PHACTR3: variants seen among roughly 807,000 people sequenced by gnomAD.
The protein encoded by PHACTR3 is protein phosphatase 1, regulatory subunit 123.
PHACTR3 carries 16 observed loss-of-function variants against 66.8 expected under a neutral mutation model. That is an observed-to-expected ratio of 0.24 (90% CI 0.16 to 0.36). The LOEUF (loss-of-function observed/expected upper bound fraction) is 0.36. Ranked by LOEUF, PHACTR3 falls within the 10% of genes least tolerant of loss-of-function variation. The pLI is 1.00. For missense variants in PHACTR3, 647 were observed against 719.9 expected (o/e 0.90, Z 1.16); for synonymous variants, 323 against 292.1 (o/e 1.11, Z -1.08).
chr20:59,716,932 T>A (rs1601173977), intron 1 of PHACTR3, among the ~76,000 whole-genome samples: 4 of 152,298 alleles, frequency 2.6e-5, no homozygotes, highest in Admixed American at 2.6e-4. Flanking sequence ...GCTGAATCTA[T>A]CATGCTCCCT....
intron 8 of PHACTR3, chr20:59,836,232 C>A: frequency 2.4e-6 from 1 of 416,786 alleles, no homozygotes; most frequent in Non-Finnish European, 4.2e-6. Flanking sequence ...AAGGTTTGGG[C>A]GACAGATCAG....
intron 1 of PHACTR3, among the ~76,000 whole-genome samples, chr20:59,656,753 G>A (rs969905392): frequency 1.3e-5 from 2 of 151,222 alleles, no homozygotes; most frequent in African/African-American, 4.9e-5. Context: ...CCTTAAATGA[G>A]TATTTTTAGT....
chr20:59,843,992 C>T (rs1035758685), intron 11 of PHACTR3: 1 of 151,862 alleles, frequency 6.6e-6, no homozygotes, highest in African/African-American at 2.4e-5. Flanking sequence ...CAAATAATCC[C>T]ATTAGAAAGT....
chr20:59,729,068 G>A (rs1303263197), intron 1 of PHACTR3, among the ~76,000 whole-genome samples: 1 of 152,140 alleles, frequency 6.6e-6, no homozygotes, highest in African/African-American at 2.4e-5. Context: ...TGAGGTTGGA[G>A]CTGCTCACAG....
chr20:59,747,236 G>A (rs2039404884), intron 2 of PHACTR3, among the ~76,000 whole-genome samples: 1 of 152,236 alleles, frequency 6.6e-6, no homozygotes, highest in African/African-American at 2.4e-5. Flanking sequence ...TGTCCATCTG[G>A]TAGACTGGAA....
At chr20:59,643,291 A>G (rs541843728) in intron 1 of PHACTR3, among the ~76,000 whole-genome samples, 2 of 152,338 alleles carry the variant, frequency 1.3e-5, no homozygotes, top group Admixed American at 1.3e-4. Flanking sequence ...CGCACATTAA[A>G]TGAGTGCTAT....
At chr20:59,840,301 C>A in intron 9 of PHACTR3, 68 bp from the exon 10 acceptor site, 2 of 1,567,858 alleles carry the variant, frequency 1.3e-6, no homozygotes, top group South Asian at 1.2e-5. Context: ...CACTTCCCTG[C>A]TGAAGAGAAG....
intron 1 of PHACTR3, among the ~76,000 whole-genome samples, chr20:59,650,142 A>C (rs113928966): frequency 2.0e-5 from 3 of 152,338 alleles, no homozygotes; most frequent in African/African-American, 7.2e-5. Context: ...GAAACACATG[A>C]AACAAAGAAA....
intron 1 of PHACTR3, among the ~76,000 whole-genome samples, chr20:59,673,406 G>C (rs1030163783): frequency 3.9e-5 from 6 of 152,222 alleles, no homozygotes; most frequent in African/African-American, 1.4e-4. Context: ...ATCTCTTCCT[G>C]ATGGCCGAGC....
intron 1 of PHACTR3, among the ~76,000 whole-genome samples, chr20:59,719,077 C>A (rs2038196704): frequency 6.6e-6 from 1 of 152,214 alleles, no homozygotes; most frequent in African/African-American, 2.4e-5. Context: ...CTTGCTAACA[C>A]CAGATGAATG....
At chr20:59,845,073 C>T (rs2059126128) in intron 11 of PHACTR3, 116 bp from the exon 12 acceptor site, 2 of 603,464 alleles carry the variant, frequency 3.3e-6, no homozygotes, top group Admixed American at 3.4e-5. Context: ...TTGTTTTTTT[C>T]TGTATATTAC....
At position 59,655,547 on chromosome 20, in the gene PHACTR3, C is replaced by G. The variant is rs879693621; in HGVS notation, c.118+50415C>G. ...GTAATTTGAGTCTTCTCTCTCTCTT[C>G]TTTATCAGTCTAGCTAAAGATTTAT... On this transcript the variant is annotated intron_variant, in intron 1 of 12. Coordinates refer to ENST00000371015, the MANE Select transcript of PHACTR3 (RefSeq NM_080672.5). 2.6e-5 allele frequency among the ~76,000 whole-genome samples: 4 copies of G among 152,002 alleles called. No individual in the cohort carries two copies. In the South Asian group the frequency reaches 8.3e-4, roughly 32 times the overall value.
chr20:59,674,206 A>T (rs2036294356), intron 1 of PHACTR3, among the ~76,000 whole-genome samples: 1 of 145,988 alleles, frequency 6.8e-6, no homozygotes, highest in African/African-American at 2.7e-5. Context: ...ACAACTTGTC[A>T]AGACAGCCTG....
intron 1 of PHACTR3, among the ~76,000 whole-genome samples, chr20:59,741,172 C>T (rs1316041922): frequency 1.3e-5 from 2 of 152,250 alleles, no homozygotes. Flanking sequence ...TCCATGCTTC[C>T]TGGGGCTCTG....
intron 1 of PHACTR3, among the ~76,000 whole-genome samples, chr20:59,596,142 T>C (rs533641768): frequency 1.4e-4 from 22 of 152,198 alleles, no homozygotes; most frequent in East Asian, 1.3e-3. Context: ...TATTTTTCTT[T>C]GTTTTCTTTT....
At chr20:59,740,675 T>TA (rs2039121174) in intron 1 of PHACTR3, among the ~76,000 whole-genome samples, 2 of 152,220 alleles carry the variant, frequency 1.3e-5, no homozygotes, top group Middle Eastern at 3.4e-3. Context: ...CTTTTTTTTT[T>TA]ATCAACAGAT....
chr20:59,804,411 A>G (rs2041504334), intron 7 of PHACTR3, among the ~76,000 whole-genome samples: 1 of 152,192 alleles, frequency 6.6e-6, no homozygotes, highest in Non-Finnish European at 1.5e-5. Context: ...AAAAGATTAA[A>G]CCACGTTCAG....
At chr20:59,621,118 C>T (rs900261524) in intron 1 of PHACTR3, among the ~76,000 whole-genome samples, 11 of 152,234 alleles carry the variant, frequency 7.2e-5, no homozygotes, top group East Asian at 1.9e-4. Flanking sequence ...CAGCATAAGA[C>T]GCTCCAGGCC....
rs1035127545 is a variant in PHACTR3, at chr20:59,820,159, G to A, written c.1328+13965G>A. 1.3e-5 allele frequency among the ~76,000 whole-genome samples: 2 copies of A among 152,202 alleles called. No homozygotes were observed. Among genetic ancestry groups the A allele is most frequent in the African/African-American group, 4.8e-5 (2 of 41,456 alleles). ...CCACCTCCTGCTTCACCACTGTGGT[G>A]AGGGGTCTGCCTGTGAACACTGCAG... On this transcript the variant is annotated intron_variant, in intron 8 of 12. Transcript: ENST00000371015. This position sits in a 1 kb window ranked among gnomAD's most constrained non-coding sequence, Gnocchi z 4.6.
Sources: allele counts gnomAD v4.1 joint callset (sites outside exome capture counted in the v4.1 genomes callset), GRCh38; gene constraint gnomAD v4.1.1; non-coding constraint Gnocchi (gnomAD v3.1); transcripts MANE v1.5; gene names NCBI Gene and HGNC (gene_info 2026-07-23, HGNC 2026-07-21).